Variants in PCBP3 observed in about 807,000 individuals in gnomAD.
The protein encoded by PCBP3 is poly(rC) binding protein 3, also known as poly(rC)-binding protein 3.
In PCBP3, 25 loss-of-function variants were observed where a neutral mutation model predicts 52.7. The observed-to-expected ratio is 0.47, with a 90% CI of 0.35 to 0.66. The LOEUF is 0.66. Among genes scored for constraint, PCBP3 ranks in the 30% least tolerant of loss-of-function variants. The probability of loss-of-function intolerance (pLI) is 0.01; values close to 1 mark genes in which losing one functional copy is unlikely to be tolerated. For missense variants in PCBP3, 391 were observed against 490.3 expected, an observed-to-expected ratio of 0.80 and a Z score of 1.91; for synonymous variants, 162 against 183.0, an observed-to-expected ratio of 0.89 and a Z score of 0.93.
chr21:45,775,956 T>C (rs2090221764), intron 4 of PCBP3, among the ~76,000 whole-genome samples: 1 of 152,236 alleles, frequency 6.6e-6, no homozygotes, highest in East Asian at 1.9e-4. Flanking sequence ...GTCTGCTTTT[T>C]TCAGGTAGGC....
intron 13 of PCBP3, among the ~76,000 whole-genome samples, chr21:45,919,741 G>A (rs1270410760): frequency 6.6e-6 from 1 of 152,228 alleles, no homozygotes; most frequent in Admixed American, 6.5e-5. Flanking sequence ...CCGGGCTGTG[G>A]CCACCACACA....
In PCBP3 at chr21:45,928,797, G is replaced by A. The variant is rs1342354840; in HGVS notation, c.718-1120G>A. On this transcript the variant is annotated intron_variant, in intron 13 of 17. Coordinates refer to ENST00000681687, the MANE Select transcript of PCBP3 (RefSeq NM_001384156.1). The surrounding 1 kb of genome is among the most constrained non-coding windows in gnomAD (Gnocchi z 4.1). ...GTCGCAGGAGTCCACACACAGCCAC[G>A]CTGGGATTTATTTGGGTTGAATGTT... is the stretch of plus-strand genomic sequence containing the variant. Among the ~76,000 whole-genome samples the A allele has an allele frequency of 6.6e-6, 1 of 152,190 alleles. No individual in the cohort carries two copies. Among genetic ancestry groups the A allele is most frequent in the Non-Finnish European group, 1.5e-5 (1 of 68,024 alleles).
intron 4 of PCBP3, among the ~76,000 whole-genome samples, chr21:45,773,368 T>C (rs965649924): frequency 2.6e-5 from 4 of 152,190 alleles, no homozygotes; most frequent in African/African-American, 9.6e-5. Context: ...GGCTATCCAA[T>C]TTTTTCCACC....
At chr21:45,760,322 T>A (rs2088507157) in intron 4 of PCBP3, 1 of 152,178 alleles carries the variant, frequency 6.6e-6, no homozygotes, top group Non-Finnish European at 1.5e-5. Flanking sequence ...AATACAGGCA[T>A]GCACCACTAT....
intron 5 of PCBP3, among the ~76,000 whole-genome samples, chr21:45,886,101 TGGA>T (rs1216456600): frequency 9.3e-5 from 9 of 97,018 alleles, no homozygotes; most frequent in East Asian, 4.4e-4. Flanking sequence ...TGGTGAGGTG[TGGA>T]GGAGGCCTCA....
chr21:45,778,305 G>A (rs909811012), intron 4 of PCBP3, among the ~76,000 whole-genome samples: 3 of 152,138 alleles, frequency 2.0e-5, no homozygotes, highest in Non-Finnish European at 4.4e-5. Flanking sequence ...CCCCACTAGA[G>A]GCAGCATTGG....
chr21:45,678,962 C>T (rs951439609), intron 2 of PCBP3, among the ~76,000 whole-genome samples: 5 of 152,176 alleles, frequency 3.3e-5, no homozygotes, highest in South Asian at 4.1e-4. Context: ...GAAATTGCCA[C>T]AGCCACCCCA....
intron 2 of PCBP3, among the ~76,000 whole-genome samples, chr21:45,673,940 A>G (rs1301196055): frequency 2.6e-5 from 4 of 152,148 alleles, no homozygotes; most frequent in Non-Finnish European, 5.9e-5. Context: ...AAAAGAAACA[A>G]TCCAAAATGG....
chr21:45,845,191 A>T (rs1431700936), intron 4 of PCBP3, among the ~76,000 whole-genome samples: 10 of 152,202 alleles, frequency 6.6e-5, no homozygotes, highest in Non-Finnish European at 1.3e-4. Context: ...CTGCCACCAG[A>T]TGATCTCTTA....
At chr21:45,882,629 G>T (rs2095429823) in intron 5 of PCBP3, among the ~76,000 whole-genome samples, 1 of 152,188 alleles carries the variant, frequency 6.6e-6, no homozygotes, top group African/African-American at 2.4e-5. Flanking sequence ...TTTTCCCTGT[G>T]TTTTTTCTTA....
intron 2 of PCBP3, among the ~76,000 whole-genome samples, chr21:45,706,272 C>T (rs2148056387): frequency 6.6e-6 from 1 of 152,266 alleles, no homozygotes; most frequent in Non-Finnish European, 1.5e-5. Flanking sequence ...CACTGTGTAG[C>T]CGGAGGAAGA....
chr21:45,837,574 T>A lies in PCBP3; in HGVS notation c.-125-12387T>A, dbSNP rs951936108. On this transcript the variant is annotated intron_variant, in intron 4 of 17. Transcript: ENST00000681687. This position sits in a 1 kb window ranked among gnomAD's most constrained non-coding sequence, Gnocchi z 4.1. Reference sequence around the variant, plus strand: ...CCCTGGGTTGTCTGCCTCTTGGGGGTAGCGGCTGTGTGGAATGCCTGCGTT... The same window carrying A: ...CCCTGGGTTGTCTGCCTCTTGGGGGAAGCGGCTGTGTGGAATGCCTGCGTT... Among the ~76,000 whole-genome samples, 1 of 152,028 alleles carries A rather than the reference T, an allele frequency of 6.6e-6. No individual in the cohort carries two copies. The highest frequency in any genetic ancestry group is 2.4e-5 in the African/African-American group (1 of 41,380).
intron 4 of PCBP3, among the ~76,000 whole-genome samples, chr21:45,799,796 A>G (rs1478452290): frequency 1.3e-5 from 2 of 152,164 alleles, no homozygotes; most frequent in Non-Finnish European, 2.9e-5. Context: ...GCTTTTCTCA[A>G]ACTGGAATTT....
At chr21:45,929,139 T>TAAAG (rs1450162728) in intron 13 of PCBP3, among the ~76,000 whole-genome samples, 2 of 152,202 alleles carry the variant, frequency 1.3e-5, no homozygotes, top group African/African-American at 4.8e-5. Context: ...GTAAAATAAC[T>TAAAG]TTAAAAATGG....
At chr21:45,655,616 A>C (rs1309388740) in intron 1 of PCBP3, among the ~76,000 whole-genome samples, 1 of 152,160 alleles carries the variant, frequency 6.6e-6, no homozygotes, top group Non-Finnish European at 1.5e-5. Context: ...CTTCATGACT[A>C]AAACACCAAA....
chr21:45,686,605 T>C lies in PCBP3; in HGVS notation c.-200+17653T>C, dbSNP rs530025026. Among the ~76,000 whole-genome samples the C allele has an allele frequency of 7.2e-5, 11 of 152,022 alleles. No individual in the cohort carries two copies. The South Asian group carries it at 2.3e-3, about 32-fold the overall frequency. On this transcript the variant is annotated intron_variant, in intron 2 of 17. Transcript: ENST00000681687. ...GTCAATAGGAACAGACCCTGAAAGGTAGAGATGATGAACTGTCCAAACAAG... is the reference window on the plus strand; with the variant it reads ...GTCAATAGGAACAGACCCTGAAAGGCAGAGATGATGAACTGTCCAAACAAG...
intron 4 of PCBP3, among the ~76,000 whole-genome samples, chr21:45,835,954 G>A (rs1037892278): frequency 4.6e-5 from 7 of 152,292 alleles, no homozygotes; most frequent in African/African-American, 1.7e-4. Flanking sequence ...GTGGCCGCAG[G>A]CATGGTAACC....
intron 3 of PCBP3, among the ~76,000 whole-genome samples, chr21:45,745,524 G>A (rs1330612689): frequency 3.9e-5 from 6 of 152,292 alleles, no homozygotes; most frequent in African/African-American, 7.2e-5. Context: ...GATGCACCTC[G>A]TGTGTTCTAG....
chr21:45,850,354 C>T (rs891846116), intron 5 of PCBP3, among the ~76,000 whole-genome samples: 1 of 152,168 alleles, frequency 6.6e-6, no homozygotes, highest in African/African-American at 2.4e-5. Flanking sequence ...CTCGCACAGC[C>T]TTCCAGCTCT....
Sources: allele counts gnomAD v4.1 joint callset (sites outside exome capture counted in the v4.1 genomes callset), GRCh38; gene constraint gnomAD v4.1.1; non-coding constraint Gnocchi (gnomAD v3.1); transcripts MANE v1.5; gene names NCBI Gene and HGNC (gene_info 2026-07-23, HGNC 2026-07-21).